Variants in PPP1R12B observed in about 807,000 individuals in gnomAD.
PPP1R12B encodes myosin phosphatase target subunit 2.
Under a neutral mutation model 126.1 loss-of-function variants are expected in PPP1R12B, and 76 were observed. That is an observed-to-expected ratio of 0.60 (90% CI 0.50 to 0.73). The LOEUF is 0.73. PPP1R12B is among the 30% of genes least tolerant of loss of function. The pLI, the probability that PPP1R12B is intolerant of heterozygous loss-of-function variation, is 0.00. For synonymous variants in PPP1R12B, 356 were observed against 434.7 expected (o/e 0.82, Z 2.25); for missense variants, 1,052 against 1,205.1 (o/e 0.87, Z 1.88).
At chr1:202,410,450 A>G (rs1386395702) in intron 1 of PPP1R12B, among the ~76,000 whole-genome samples, 5 of 152,238 alleles carry the variant, frequency 3.3e-5, no homozygotes, top group Non-Finnish European at 5.9e-5. Context: ...GGCAGGTAGT[A>G]TTAGTGATAT....
In PPP1R12B at chr1:202,470,181, T is replaced by C. The variant is rs188635772; in HGVS notation, c.1851-18352T>C. Among the ~76,000 whole-genome samples the C allele has an allele frequency of 4.3e-4, 66 of 152,332 alleles. 1 individual carries two copies. The highest frequency in any genetic ancestry group is 1.5e-3 in the African/African-American group (61 of 41,578). ...CACGGTTCTTTTCCTGATTGCCTAC[T>C]TACGCAAGCTAGAACTCCTTTTTCT... On this transcript the variant is annotated intron_variant, in intron 13 of 23. Coordinates refer to ENST00000608999, the MANE Select transcript of PPP1R12B (RefSeq NM_002481.4).
Position 202,471,903 on chromosome 1 carries a change from C to T in PPP1R12B, c.1851-16630C>T, listed in dbSNP as rs1675954060. 3 of 1,595,118 alleles carry T rather than the reference C, an allele frequency of 1.9e-6. No homozygotes were observed. In the South Asian group the frequency reaches 3.3e-5, roughly 18 times the overall value. The stretch of plus-strand genomic sequence containing the variant: ...CCTGAAGGAACATCCTTCTGTAAGC[C>T]TTGCTTTTCCTCCCGTAGGCTGGCA... On this transcript the variant is annotated intron_variant, in intron 13 of 23. Transcript: ENST00000608999.
chr1:202,448,631 T>C (rs1189022557), intron 12 of PPP1R12B: 3 of 196,272 alleles, frequency 1.5e-5, no homozygotes, highest in African/African-American at 4.6e-5. Flanking sequence ...AGAGAGGCCA[T>C]GTCTCCGTGT....
intron 22 of PPP1R12B, 32 bp from the exon 23 acceptor site, chr1:202,569,115 T>G (rs953285001): frequency 6.2e-7 from 1 of 1,607,108 alleles, no homozygotes. Context: ...CTGAATTCAA[T>G]AATGTTCAAC....
In PPP1R12B at chr1:202,408,843, C is replaced by CTTTTTTTTTTTTTTTTTTT. The variant is rs35632865; in HGVS notation, c.292-7942_292-7924dup. Among the ~76,000 whole-genome samples the CTTTTTTTTTTTTTTTTTTT allele has an allele frequency of 1.8e-5, 2 of 113,336 alleles. 1 individual carries two copies. 74.4% of individuals were successfully genotyped at this position (113,336 alleles called of 152,430 possible). ...TGCTTTCAATTATTATTATTTCTTT[C>CTTTTTTTTTTTTTTTTTTT]TTTTTTTTTTTTTTTTTTTTGAGAC... On this transcript the variant is annotated intron_variant, in intron 1 of 23. Coordinates refer to ENST00000608999, the MANE Select transcript of PPP1R12B (RefSeq NM_002481.4).
intron 12 of PPP1R12B, among the ~76,000 whole-genome samples, chr1:202,444,617 T>A (rs1196026304): frequency 7.2e-5 from 11 of 152,246 alleles, no homozygotes; most frequent in Admixed American, 7.2e-4. Flanking sequence ...GTGCTAATTC[T>A]GTATCAGGTA....
chr1:202,525,894 T>C (rs1042700902), intron 18 of PPP1R12B, among the ~76,000 whole-genome samples: 2 of 152,336 alleles, frequency 1.3e-5, no homozygotes. Flanking sequence ...AGACGGGCTT[T>C]CGCCATGTTG....
Position 202,385,980 on chromosome 1 carries a change from C to T in PPP1R12B, c.292-30807C>T, listed in dbSNP as rs1350105190. On this transcript the variant is annotated intron_variant, in intron 1 of 23. Coordinates refer to ENST00000608999, the MANE Select transcript of PPP1R12B (RefSeq NM_002481.4). ...ACGGAGTCTTGCTCTGTCACCCAGG[C>T]TGGAGTGCAGTGGCACGATCTTGGC... Among the ~76,000 whole-genome samples the T allele has an allele frequency of 2.0e-5, 3 of 151,604 alleles. No individual in the cohort carries two copies. In the East Asian group the frequency reaches 5.8e-4, roughly 29 times the overall value.
chr1:202,495,338 A>G lies in PPP1R12B; in HGVS notation c.2191A>G (p.Thr731Ala). Reference protein sequence around the residue: ...LRCPAQPDKPTTPASPSTSRP... With the variant: ...LRCPAQPDKPATPASPSTSRP... ...GTGCCCAGCTCAGCCAGACAAACCC[A>G]CCACGCCAGCATCTCCTTCTACGTC... is the stretch of plus-strand genomic sequence containing the variant. The change falls in exon 16 of 24, where the codon ACC becomes GCC. Residue 731 changes from threonine (T) to alanine (A), a missense_variant. Coordinates refer to ENST00000608999, the MANE Select transcript of PPP1R12B (RefSeq NM_002481.4). 6.3e-7 allele frequency: 1 copy of G among 1,595,068 alleles called. No homozygotes were observed. Among genetic ancestry groups the G allele is most frequent in the Non-Finnish European group, 8.5e-7 (1 of 1,171,056 alleles).
chr1:202,538,145 C>G (rs1051455938), intron 18 of PPP1R12B, among the ~76,000 whole-genome samples: 2 of 152,196 alleles, frequency 1.3e-5, no homozygotes, highest in East Asian at 1.9e-4. Context: ...AGGTGCCCCC[C>G]ACAATGCCTG....
chr1:202,490,426 T>A (rs1678706603), intron 14 of PPP1R12B, among the ~76,000 whole-genome samples: 1 of 152,240 alleles, frequency 6.6e-6, no homozygotes, highest in Non-Finnish European at 1.5e-5. Flanking sequence ...TCCATTAGAA[T>A]GTAACCCCCA....
intron 18 of PPP1R12B, chr1:202,540,119 C>CT (rs1165744425): frequency 1.3e-6 from 2 of 1,595,854 alleles, no homozygotes; most frequent in Admixed American, 1.7e-5. Flanking sequence ...GGTTGAGTGT[C>CT]TATCTGCATC....
intron 18 of PPP1R12B, among the ~76,000 whole-genome samples, chr1:202,534,063 C>A (rs1684280734): frequency 6.6e-6 from 1 of 152,090 alleles, no homozygotes; most frequent in Non-Finnish European, 1.5e-5. Flanking sequence ...AAGCAAGAAG[C>A]TTTTCTCCTC....
chr1:202,431,682 G>T (rs16849974), intron 8 of PPP1R12B, 63 bp downstream of exon 8: 1 of 1,478,804 alleles, frequency 6.8e-7, no homozygotes. Flanking sequence ...ATTACTCCTT[G>T]TCAGAGAGCT....
chr1:202,506,817 T>A (rs1198920376), intron 18 of PPP1R12B, among the ~76,000 whole-genome samples: 2 of 152,058 alleles, frequency 1.3e-5, no homozygotes, highest in African/African-American at 4.8e-5. Context: ...TATAGAAAAA[T>A]ATAAAGTGGT....
At chr1:202,380,674 G>T (rs1662104587) in intron 1 of PPP1R12B, among the ~76,000 whole-genome samples, 1 of 152,060 alleles carries the variant, frequency 6.6e-6, no homozygotes, top group Admixed American at 6.6e-5. Flanking sequence ...GCCTGCTTTG[G>T]TTACAGATTC....
At chr1:202,391,490 A>G (rs1191646323) in intron 1 of PPP1R12B, among the ~76,000 whole-genome samples, 1 of 152,226 alleles carries the variant, frequency 6.6e-6, no homozygotes, top group Non-Finnish European at 1.5e-5. Flanking sequence ...ACAATTAAGC[A>G]TAGAGTTACC....
intron 18 of PPP1R12B, among the ~76,000 whole-genome samples, chr1:202,529,299 A>G (rs1454674567): frequency 6.7e-6 from 1 of 148,872 alleles, no homozygotes; most frequent in Non-Finnish European, 1.5e-5. Context: ...GATCTATGTT[A>G]TTATTGAAAA....
intron 1 of PPP1R12B, among the ~76,000 whole-genome samples, chr1:202,354,611 T>G (rs992246876): frequency 1.3e-5 from 2 of 151,100 alleles, no homozygotes; most frequent in Non-Finnish European, 3.0e-5. Flanking sequence ...GAGTAAAGTT[T>G]TTGATATTTG....
Sources: allele counts gnomAD v4.1 joint callset (sites outside exome capture counted in the v4.1 genomes callset), GRCh38; gene constraint gnomAD v4.1.1; transcripts MANE v1.5; gene names NCBI Gene and HGNC (gene_info 2026-07-23, HGNC 2026-07-21).